The following KCNJ3 variants were observed in gnomAD, a reference collection of about 807,000 sequenced individuals.
KCNJ3 encodes potassium inwardly rectifying channel subfamily J member 3.
In KCNJ3, 4 loss-of-function variants were observed where a neutral mutation model predicts 39.2. The ratio of observed to expected loss-of-function variants is 0.10; its 90% CI spans 0.05 to 0.23. KCNJ3 has a LOEUF of 0.23. KCNJ3 is among the 10% of genes least tolerant of loss of function. The pLI, the probability that KCNJ3 is intolerant of heterozygous loss-of-function variation, is 1.00. For missense variants in KCNJ3, 276 were observed against 634.9 expected, an observed-to-expected ratio of 0.43 and a Z score of 6.08; for synonymous variants, 230 against 237.4, an observed-to-expected ratio of 0.97 and a Z score of 0.29.
intron 2 of KCNJ3, among the ~76,000 whole-genome samples, chr2:154,782,906 G>A (rs1686463445): frequency 6.6e-6 from 1 of 152,124 alleles, no homozygotes; most frequent in Non-Finnish European, 1.5e-5. Context: ...GCCAGGTGTG[G>A]TGCCTCACAC....
chr2:154,813,082 C>A (rs1419104780), intron 2 of KCNJ3, among the ~76,000 whole-genome samples: 1 of 152,156 alleles, frequency 6.6e-6, no homozygotes, highest in Non-Finnish European at 1.5e-5. Context: ...GGTTACACAG[C>A]TAGTTAGTAG....
intron 2 of KCNJ3, among the ~76,000 whole-genome samples, chr2:154,835,336 TTTTC>T (rs1297651827): frequency 2.1e-5 from 3 of 140,874 alleles, no homozygotes; most frequent in African/African-American, 5.1e-5. Flanking sequence ...CAATAAATTA[TTTTC>T]TTTTTTTTGT....
Position 154,771,279 on chromosome 2 carries a change from A to G in KCNJ3, c.919+61460A>G, listed in dbSNP as rs116095186. Among the ~76,000 whole-genome samples, 711 of 152,318 alleles carry G rather than the reference A, an allele frequency of 4.7e-3. 1 individual carries two copies. Among genetic ancestry groups the G allele is most frequent in the Middle Eastern group, 0.01 (3 of 294 alleles). ...AGCTATTGATTCTGTCCCCCATGTAAAACAGGGCTTTTTAATCAATGATGT... is the reference window on the plus strand; with the variant it reads ...AGCTATTGATTCTGTCCCCCATGTAGAACAGGGCTTTTTAATCAATGATGT... On this transcript the variant is annotated intron_variant, in intron 2 of 2. Transcript: ENST00000295101.
In KCNJ3 at chr2:154,847,007, A is replaced by G. The variant is rs975284621; in HGVS notation, c.920-7720A>G. 2.0e-5 allele frequency among the ~76,000 whole-genome samples: 3 copies of G among 152,158 alleles called. No individual in the cohort carries two copies. The East Asian group carries it at 5.8e-4, about 29-fold the overall frequency. On this transcript the variant is annotated intron_variant, in intron 2 of 2. Transcript: ENST00000295101. ...AAGTGCTTGTAAATAATAGAGGATA[A>G]TATTGAGTTGAATGCATGCCAGAAC...
chr2:154,765,634 A>G (rs1210900278), intron 2 of KCNJ3, among the ~76,000 whole-genome samples: 2 of 152,178 alleles, frequency 1.3e-5, no homozygotes, highest in African/African-American at 4.8e-5. Context: ...GAATCCTAAC[A>G]GTGAATTTTG....
intron 2 of KCNJ3, among the ~76,000 whole-genome samples, chr2:154,787,713 T>A (rs1031409685): frequency 4.6e-5 from 7 of 152,050 alleles, no homozygotes; most frequent in African/African-American, 1.7e-4. Flanking sequence ...ACTGCCCAGG[T>A]TCCTTGAAAC....
intron 2 of KCNJ3, among the ~76,000 whole-genome samples, chr2:154,728,834 G>A (rs1173595206): frequency 6.6e-6 from 1 of 151,938 alleles, no homozygotes; most frequent in Non-Finnish European, 1.5e-5. Flanking sequence ...GTAAAATGAA[G>A]GTAGAAATTA....
At chr2:154,757,251 G>T (rs1284937072) in intron 2 of KCNJ3, among the ~76,000 whole-genome samples, 1 of 152,052 alleles carries the variant, frequency 6.6e-6, no homozygotes, top group Non-Finnish European at 1.5e-5. Flanking sequence ...TTTTCAAGAT[G>T]AGCAACTAAG....
At chr2:154,844,299 G>A (rs1050444577) in intron 2 of KCNJ3, among the ~76,000 whole-genome samples, 1 of 152,174 alleles carries the variant, frequency 6.6e-6, no homozygotes, top group African/African-American at 2.4e-5. Context: ...AAATATTGTT[G>A]CCTGATCCTT....
chr2:154,818,824 T>G (rs900632489), intron 2 of KCNJ3, among the ~76,000 whole-genome samples: 1 of 151,422 alleles, frequency 6.6e-6, no homozygotes, highest in African/African-American at 2.4e-5. Context: ...AAAGCACAAC[T>G]GATGCTTTTG....
At position 154,855,276 on chromosome 2, in the gene KCNJ3, C is replaced by T; in HGVS notation, c.1469C>T (p.Ala490Val). ...GAARMEGNLP[A>V]KLRKMNSDRF... ...GCTAGGATGGAAGGGAACCTTCCAG[C>T]CAAATTAAGAAAAATGAACTCTGAT... The change falls in exon 3 of 3, where the codon GCC becomes GTC. Residue 490 changes from alanine to valine, a missense_variant. By Grantham distance (64) the Ala-to-Val change is moderately conservative. Coordinates refer to ENST00000295101, the MANE Select transcript of KCNJ3 (RefSeq NM_002239.4). The T allele has an allele frequency of 6.2e-7, 1 of 1,608,140 alleles. No individual in the cohort carries two copies. The highest frequency in any genetic ancestry group is 8.5e-7 in the Non-Finnish European group (1 of 1,178,360).
chr2:154,850,687 A>G (rs1295024693), intron 2 of KCNJ3, among the ~76,000 whole-genome samples: 1 of 152,210 alleles, frequency 6.6e-6, no homozygotes, highest in Non-Finnish European at 1.5e-5. Flanking sequence ...ATCTAATGAA[A>G]GTAGGACAGG....
At chr2:154,804,054 G>C (rs1396300731) in intron 2 of KCNJ3, among the ~76,000 whole-genome samples, 1 of 151,900 alleles carries the variant, frequency 6.6e-6, no homozygotes, top group African/African-American at 2.4e-5. Flanking sequence ...TATTTTGAAG[G>C]CCATTTCAAA....
intron 2 of KCNJ3, among the ~76,000 whole-genome samples, chr2:154,730,004 G>C (rs7598499): frequency 0.072 from 10,918 of 151,950 alleles, 1,004 homozygotes; most frequent in African/African-American, 0.21. Context: ...TTTACCGTCT[G>C]TAACACTTGC....
chr2:154,837,391 A>AATTG (rs75777417), intron 2 of KCNJ3, among the ~76,000 whole-genome samples: 31,115 of 152,014 alleles, frequency 0.2, 3,458 homozygotes, highest in East Asian at 0.4. Flanking sequence ...TCATGAGTTG[A>AATTG]ATTAACATAT....
intron 2 of KCNJ3, among the ~76,000 whole-genome samples, chr2:154,832,450 C>T (rs1687380223): frequency 6.6e-6 from 1 of 152,154 alleles, no homozygotes; most frequent in African/African-American, 2.4e-5. Flanking sequence ...AAACATTTCT[C>T]TTTTAAGATT....
Position 154,801,592 on chromosome 2 carries a change from CCTTT to C in KCNJ3, c.920-53120_920-53117del, listed in dbSNP as rs372772412. 7.4e-3 allele frequency among the ~76,000 whole-genome samples: 956 copies of C among 129,076 alleles called. 6 individuals carry two copies. Among genetic ancestry groups the C allele is most frequent in the African/African-American group, 0.013 (458 of 34,694 alleles). 84.7% of individuals were successfully genotyped at this position (129,076 alleles called of 152,430 possible). A position where few individuals can be genotyped will look rare whatever the true frequency, so the allele number is the denominator to read the frequency against. ...CTTTCTCTGTCTCTCTCTTTCTTTC[CCTTT>C]CTTTCTTTCTTTCTCTTTTTTTTGG... On this transcript the variant is annotated intron_variant, in intron 2 of 2. Transcript: ENST00000295101.
intron 2 of KCNJ3, among the ~76,000 whole-genome samples, chr2:154,756,211 A>G (rs1002692934): frequency 1.3e-5 from 2 of 152,162 alleles, no homozygotes; most frequent in African/African-American, 4.8e-5. Flanking sequence ...AGAGTTAACC[A>G]TTACCTATCT....
At chr2:154,806,464 G>A (rs996921616) in intron 2 of KCNJ3, among the ~76,000 whole-genome samples, 1 of 152,172 alleles carries the variant, frequency 6.6e-6, no homozygotes, top group African/African-American at 2.4e-5. Flanking sequence ...GTCCACCAGG[G>A]AGCACACAGT....
Sources: allele counts gnomAD v4.1 joint callset (sites outside exome capture counted in the v4.1 genomes callset), GRCh38; gene constraint gnomAD v4.1.1; transcripts MANE v1.5; gene names NCBI Gene and HGNC (gene_info 2026-07-23, HGNC 2026-07-21).